The following OSBPL9 variants were observed in gnomAD, a reference collection of about 807,000 sequenced individuals.
OSBPL9 encodes oxysterol binding protein like 9, also known as oxysterol-binding protein-related protein 9.
A neutral mutation model predicts 106.6 loss-of-function variants in OSBPL9; 40 were observed. The observed-to-expected ratio is 0.38, with a 90% CI of 0.29 to 0.49. The LOEUF is 0.49. Ranked by LOEUF, OSBPL9 falls within the 20% of genes least tolerant of loss-of-function variation. The probability of loss-of-function intolerance (pLI) is 0.97; values close to 1 mark genes in which losing one functional copy is unlikely to be tolerated. For synonymous variants in OSBPL9, 269 were observed against 295.4 expected (o/e 0.91, Z 0.92); for missense variants, 609 against 887.2 (o/e 0.69, Z 3.98).
chr1:51,723,753 T>TA (rs1354309296), intron 4 of OSBPL9, among the ~76,000 whole-genome samples: 3 of 152,214 alleles, frequency 2.0e-5, no homozygotes, highest in Middle Eastern at 3.2e-3. Context: ...TTCATTCACC[T>TA]ACTGAAGAAT....
chr1:51,671,474 G>A (rs888680150), intron 3 of OSBPL9, among the ~76,000 whole-genome samples: 3 of 151,984 alleles, frequency 2.0e-5, no homozygotes, highest in Admixed American at 2.0e-4. Flanking sequence ...ACTATTAAAG[G>A]GAAAGCTAGA....
chr1:51,740,098 A>G, intron 4 of OSBPL9: 2 of 1,548,404 alleles, frequency 1.3e-6, no homozygotes, highest in Non-Finnish European at 1.7e-6. Context: ...TTAGACTCAC[A>G]GCATGGTAAC....
intron 1 of OSBPL9, among the ~76,000 whole-genome samples, chr1:51,647,326 T>C: frequency 6.6e-6 from 1 of 152,204 alleles, no homozygotes; most frequent in Non-Finnish European, 1.5e-5. Flanking sequence ...TTTTGTTCGC[T>C]AGTATTTTGT....
the OSBPL9 span, among the ~76,000 whole-genome samples, chr1:51,552,438 T>C: frequency 6.6e-6 from 1 of 152,212 alleles, no homozygotes; most frequent in African/African-American, 2.4e-5. Flanking sequence ...ATAACTTGCC[T>C]AAGTTCATAC....
At chr1:51,651,905 C>T (rs2148706580) in intron 1 of OSBPL9, 86 bp from the exon 2 acceptor site, 1 of 1,067,116 alleles carries the variant, frequency 9.4e-7, no homozygotes, top group East Asian at 2.5e-5. Context: ...TACTGTAAAT[C>T]TTGTCCTTTT....
At chr1:51,693,818 T>C (rs1252451255) in intron 3 of OSBPL9, among the ~76,000 whole-genome samples, 1 of 152,202 alleles carries the variant, frequency 6.6e-6, no homozygotes, top group Admixed American at 6.5e-5. Context: ...CTATAGTCAG[T>C]TGCATTTTGA....
chr1:51,751,456 T>G (rs551146420), intron 8 of OSBPL9, among the ~76,000 whole-genome samples: 1 of 152,188 alleles, frequency 6.6e-6, no homozygotes, highest in African/African-American at 2.4e-5. Context: ...TGTCTAAATT[T>G]TTCATTTCCT....
At chr1:51,669,357 A>G in intron 2 of OSBPL9, 77 bp from the exon 3 acceptor site, 2 of 1,220,722 alleles carry the variant, frequency 1.6e-6, no homozygotes, top group South Asian at 2.7e-5. Context: ...TGCATTGAGT[A>G]TTCCAGGGCT....
intron 2 of OSBPL9, among the ~76,000 whole-genome samples, chr1:51,603,766 T>C (rs1234034934): frequency 1.3e-5 from 2 of 152,196 alleles, no homozygotes; most frequent in African/African-American, 4.8e-5. Context: ...AGAAAAAGTA[T>C]GTGTCTTGGT....
At chr1:51,663,735 G>A (rs930937441) in intron 2 of OSBPL9, among the ~76,000 whole-genome samples, 1 of 152,160 alleles carries the variant, frequency 6.6e-6, no homozygotes, top group Non-Finnish European at 1.5e-5. Flanking sequence ...GTAGATACTT[G>A]CTTAATTTAT....
chr1:51,565,221 A>G, the OSBPL9 span, among the ~76,000 whole-genome samples: 14 of 152,232 alleles, frequency 9.2e-5, no homozygotes, highest in Admixed American at 4.6e-4. Context: ...GCAGAGTAGC[A>G]ATGTGGTGGG....
chr1:51,726,290 T>A (rs545305083), intron 4 of OSBPL9, among the ~76,000 whole-genome samples: 162 of 152,280 alleles, frequency 1.1e-3, no homozygotes, highest in African/African-American at 3.6e-3. Flanking sequence ...TTAAGAACAG[T>A]TGTTGGTTTT....
At chr1:51,665,646 C>T (rs933726072) in intron 2 of OSBPL9, among the ~76,000 whole-genome samples, 1 of 152,200 alleles carries the variant, frequency 6.6e-6, no homozygotes, top group South Asian at 2.1e-4. Context: ...ATCAATTGTG[C>T]ATATATACAC....
At chr1:51,669,910 T>A (rs938175671) in intron 3 of OSBPL9, 4 of 411,710 alleles carry the variant, frequency 9.7e-6, no homozygotes, top group Non-Finnish European at 1.9e-5. Flanking sequence ...TGTGTAAAAC[T>A]CAAAATATAA....
intron 15 of OSBPL9, among the ~76,000 whole-genome samples, chr1:51,779,442 A>T (rs941935906): frequency 1.6e-4 from 24 of 152,236 alleles, no homozygotes; most frequent in African/African-American, 5.8e-4. Context: ...TAAAATCATA[A>T]AAATTCTAGA....
In OSBPL9 at chr1:51,746,712, T is replaced by A. The variant is rs763414961; in HGVS notation, c.417T>A (p.Leu139=). The change falls in exon 6 of 24, where the codon CTT becomes CTA. Residue 139 remains leucine (L), a splice_region_variant and synonymous_variant. Coordinates refer to ENST00000428468, the MANE Select transcript of OSBPL9 (RefSeq NM_024586.6). ...AACCATTTTTTAAAATCTTGTAGCTTTTTGATGACAAGCTTCAAAACTGCA... is the reference window on the plus strand; with the variant it reads ...AACCATTTTTTAAAATCTTGTAGCTATTTGATGACAAGCTTCAAAACTGCA... ...YLQILIEQLK[L]FDDKLQNCKE... is the part of the protein sequence containing the mutation. 6.2e-7 allele frequency: 1 copy of A among 1,608,036 alleles called. No homozygotes were observed. Among genetic ancestry groups the A allele is most frequent in the Admixed American group, 1.7e-5 (1 of 59,124 alleles).
chr1:51,528,417 C>T, the OSBPL9 span, among the ~76,000 whole-genome samples: 1 of 151,764 alleles, frequency 6.6e-6, no homozygotes, highest in African/African-American at 2.4e-5. Flanking sequence ...GTGGCTCATG[C>T]CTGTAAGTCC....
At chr1:51,543,442 CTGGAGTGCAG>C in the OSBPL9 span, among the ~76,000 whole-genome samples, 71 of 152,168 alleles carry the variant, frequency 4.7e-4, no homozygotes, top group Non-Finnish European at 6.9e-4. Flanking sequence ...GGCCCCCGGA[CTGGAGTGCAG>C]TGGCGCCATC....
At chr1:51,541,208 C>CAGG in the OSBPL9 span, among the ~76,000 whole-genome samples, 1 of 152,142 alleles carries the variant, frequency 6.6e-6, no homozygotes, top group East Asian at 1.9e-4. Context: ...GTTGTGAAGG[C>CAGG]AGAGGCTGAG....
Sources: allele counts gnomAD v4.1 joint callset (sites outside exome capture counted in the v4.1 genomes callset), GRCh38; gene constraint gnomAD v4.1.1; transcripts MANE v1.5; gene names NCBI Gene and HGNC (gene_info 2026-07-23, HGNC 2026-07-21).